Variants in CSMD1 observed in about 807,000 individuals in gnomAD.
The protein encoded by CSMD1 is CUB and sushi domain-containing protein 1.
In CSMD1, 213 loss-of-function variants were observed where a neutral mutation model predicts 417.5. That is an observed-to-expected ratio of 0.51 (90% CI 0.46 to 0.57). CSMD1 has a LOEUF of 0.57. CSMD1 is among the 20% of genes least tolerant of loss of function. The probability of loss-of-function intolerance (pLI) is 0.00; values close to 1 mark genes in which losing one functional copy is unlikely to be tolerated. For missense variants in CSMD1, 6,923 were observed against 4,529.7 expected (o/e 1.53, Z -15.17); for synonymous variants, 2,862 against 1,736.8 (o/e 1.65, Z -16.11).
intron 3 of CSMD1, among the ~76,000 whole-genome samples, chr8:4,373,306 G>C (rs182895302): frequency 3.4e-4 from 51 of 149,370 alleles, no homozygotes; most frequent in African/African-American, 1.1e-3. Flanking sequence ...GGAACATTAG[G>C]TAATAACCAA....
chr8:2,993,031 A>G (rs1806537428), intron 54 of CSMD1, among the ~76,000 whole-genome samples: 1 of 152,204 alleles, frequency 6.6e-6, no homozygotes, highest in Non-Finnish European at 1.5e-5. Flanking sequence ...CTATGCCTGG[A>G]TGAATTTTAT....
chr8:3,056,351 T>C lies in CSMD1; in HGVS notation c.7475-3704A>G, dbSNP rs138475606. On this transcript the variant is annotated intron_variant, in intron 49 of 69. Coordinates refer to ENST00000635120, the MANE Select transcript of CSMD1 (RefSeq NM_033225.6). ...AGTGGTTAACTTTGTTTCCGCAGGC[T>C]TAAAACGTTTCTCTGTTTTTTTCTT... Among the ~76,000 whole-genome samples, 1,111 of 152,290 alleles carry C rather than the reference T, an allele frequency of 7.3e-3. 13 individuals carry two copies. Among genetic ancestry groups the C allele is most frequent in the African/African-American group, 0.023 (972 of 41,570 alleles).
intron 15 of CSMD1, among the ~76,000 whole-genome samples, chr8:3,404,315 A>G (rs1003046431): frequency 7.2e-6 from 1 of 139,140 alleles, no homozygotes; most frequent in African/African-American, 2.7e-5. Context: ...AGCCTGGGTG[A>G]CAGAGCCAGA....
At chr8:4,723,362 C>G (rs978395390) in intron 1 of CSMD1, among the ~76,000 whole-genome samples, 3 of 152,054 alleles carry the variant, frequency 2.0e-5, no homozygotes, top group Non-Finnish European at 2.9e-5. Context: ...GACCGAGGTT[C>G]GCTCAACTCA....
chr8:3,713,479 C>T (rs1801644474), intron 6 of CSMD1, among the ~76,000 whole-genome samples: 1 of 152,156 alleles, frequency 6.6e-6, no homozygotes, highest in African/African-American at 2.4e-5. Flanking sequence ...GCTCAGCCTG[C>T]TCCCCTGTCC....
chr8:4,311,078 G>C (rs990993603), intron 3 of CSMD1, among the ~76,000 whole-genome samples: 26 of 152,240 alleles, frequency 1.7e-4, no homozygotes, highest in African/African-American at 6.3e-4. Flanking sequence ...AACTACTGTG[G>C]AAAGCAATGT....
intron 1 of CSMD1, among the ~76,000 whole-genome samples, chr8:4,889,746 A>G (rs1277992677): frequency 1.3e-5 from 2 of 152,114 alleles, no homozygotes; most frequent in Non-Finnish European, 2.9e-5. Flanking sequence ...GCTATTTTTG[A>G]CACATTATAT....
chr8:4,859,289 G>T (rs985878771), intron 1 of CSMD1, among the ~76,000 whole-genome samples: 5 of 152,016 alleles, frequency 3.3e-5, no homozygotes, highest in African/African-American at 1.2e-4. Context: ...AGACTTAAAC[G>T]TTAGACCTAA....
At chr8:4,166,744 A>T (rs1011244578) in intron 3 of CSMD1, among the ~76,000 whole-genome samples, 1 of 152,208 alleles carries the variant, frequency 6.6e-6, no homozygotes, top group Non-Finnish European at 1.5e-5. Flanking sequence ...TATTGCCCCA[A>T]AACTATTGAA....
intron 8 of CSMD1, among the ~76,000 whole-genome samples, chr8:3,613,741 C>G (rs1378776315): frequency 1.9e-5 from 2 of 104,376 alleles, no homozygotes; most frequent in South Asian, 3.0e-4. Flanking sequence ...ACACACACCT[C>G]AAAAAATTAC....
At chr8:4,087,127 A>T (rs1759738284) in intron 3 of CSMD1, among the ~76,000 whole-genome samples, 1 of 152,154 alleles carries the variant, frequency 6.6e-6, no homozygotes, top group Non-Finnish European at 1.5e-5. Flanking sequence ...TCTCTGGGTG[A>T]TGGGAGGTTG....
At chr8:4,612,089 A>G (rs1801206867) in intron 2 of CSMD1, among the ~76,000 whole-genome samples, 1 of 152,134 alleles carries the variant, frequency 6.6e-6, no homozygotes, top group Non-Finnish European at 1.5e-5. Context: ...AGTGCTGGGA[A>G]GAGGAGGCAC....
intron 17 of CSMD1, among the ~76,000 whole-genome samples, chr8:3,388,831 T>A (rs1164877255): frequency 1.3e-5 from 2 of 151,554 alleles, no homozygotes; most frequent in African/African-American, 4.9e-5. Context: ...ATCATTTGGC[T>A]AGAAATCTAT....
chr8:3,661,673 T>A (rs1798425566), intron 7 of CSMD1, among the ~76,000 whole-genome samples: 1 of 152,000 alleles, frequency 6.6e-6, no homozygotes, highest in Non-Finnish European at 1.5e-5. Flanking sequence ...ATTTTTGTAT[T>A]TTTAGTAGAG....
chr8:3,790,343 T>A (rs1585002339), intron 5 of CSMD1, among the ~76,000 whole-genome samples: 1 of 152,004 alleles, frequency 6.6e-6, no homozygotes, highest in Non-Finnish European at 1.5e-5. Context: ...ATGGTGATGG[T>A]GATGATGATG....
At chr8:3,584,806 G>T (rs1208462964) in intron 9 of CSMD1, among the ~76,000 whole-genome samples, 1 of 151,870 alleles carries the variant, frequency 6.6e-6, no homozygotes, top group Non-Finnish European at 1.5e-5. Flanking sequence ...TTTCCCCAAA[G>T]GAAAAATAAT....
At chr8:3,372,178 C>T (rs1809998676) in intron 18 of CSMD1, among the ~76,000 whole-genome samples, 1 of 152,038 alleles carries the variant, frequency 6.6e-6, no homozygotes, top group South Asian at 2.1e-4. Context: ...AGGAAGTGGT[C>T]TATAAATAAG....
At chr8:4,005,578 G>A (rs529796190) in intron 4 of CSMD1, among the ~76,000 whole-genome samples, 2 of 152,146 alleles carry the variant, frequency 1.3e-5, no homozygotes, top group South Asian at 2.1e-4. Flanking sequence ...GTGTAAGGAC[G>A]TTCCACATGG....
At chr8:4,679,696 CA>C (rs142267530) in intron 1 of CSMD1, among the ~76,000 whole-genome samples, 4,351 of 152,240 alleles carry the variant, frequency 0.029, 201 homozygotes, top group African/African-American at 0.099. Flanking sequence ...AGAACCCAGA[CA>C]CTCAGTGGAT....
Sources: gnomAD v4.1 joint callset for allele counts (sites outside exome capture counted in the v4.1 genomes callset) on GRCh38, gnomAD v4.1.1 for gene constraint, MANE v1.5 for transcripts, NCBI Gene and HGNC (gene_info 2026-07-23, HGNC 2026-07-21) for gene names.